The following ST7 variants were observed in gnomAD, a reference collection of about 807,000 sequenced individuals.
The protein encoded by ST7 is suppressor of tumorigenicity 7 protein.
Under a neutral mutation model 78.7 loss-of-function variants are expected in ST7, and 28 were observed. The observed-to-expected ratio is 0.36, with a 90% CI of 0.26 to 0.49. ST7 has a LOEUF of 0.49. ST7 is among the 20% of genes least tolerant of loss of function. The probability of loss-of-function intolerance (pLI) is 0.99; values close to 1 mark genes in which losing one functional copy is unlikely to be tolerated. For synonymous variants in ST7, 247 were observed against 249.6 expected, an observed-to-expected ratio of 0.99 and a Z score of 0.10; for missense variants, 418 against 696.0, an observed-to-expected ratio of 0.60 and a Z score of 4.49.
chr7:116,985,042 G>A (rs1794133278), intron 1 of ST7, among the ~76,000 whole-genome samples: 1 of 152,048 alleles, frequency 6.6e-6, no homozygotes, highest in Non-Finnish European at 1.5e-5. Flanking sequence ...ATATTTGTGA[G>A]GCTCTCCTAT....
chr7:117,009,254 T>G (rs1434505027), intron 1 of ST7, among the ~76,000 whole-genome samples: 1 of 21,552 alleles, frequency 4.6e-5, no homozygotes, highest in Non-Finnish European at 9.3e-5. Context: ...CCACTTTTTT[T>G]TTGTTTTTTT....
chr7:117,049,973 G>A (rs144581120), intron 1 of ST7, among the ~76,000 whole-genome samples: 1,606 of 151,640 alleles, frequency 0.011, 13 homozygotes, highest in Non-Finnish European at 0.018. Flanking sequence ...TTGGGAGGCC[G>A]AGGCAGGTGG....
At chr7:116,964,912 A>G (rs558474852) in intron 1 of ST7, among the ~76,000 whole-genome samples, 2 of 152,376 alleles carry the variant, frequency 1.3e-5, no homozygotes, top group African/African-American at 4.8e-5. Context: ...TTATCCTAAG[A>G]GAAAACTTTT....
At chr7:116,976,338 G>A (rs559924273) in intron 1 of ST7, among the ~76,000 whole-genome samples, 92 of 152,250 alleles carry the variant, frequency 6.0e-4, no homozygotes, top group African/African-American at 2.2e-3. Flanking sequence ...CATATAGTAA[G>A]TATTTATTTT....
At chr7:117,150,891 A>G (rs1806187996) in intron 9 of ST7, among the ~76,000 whole-genome samples, 1 of 152,340 alleles carries the variant, frequency 6.6e-6, no homozygotes. Flanking sequence ...GGTAAGTCAC[A>G]TTACATCTAC....
intron 13 of ST7, among the ~76,000 whole-genome samples, chr7:117,211,460 A>G (rs1238717149): frequency 6.6e-6 from 1 of 152,234 alleles, no homozygotes; most frequent in African/African-American, 2.4e-5. Flanking sequence ...AAAGAGACAG[A>G]AAAGCCCAGC....
At chr7:117,149,177 A>G (rs988639334) in intron 9 of ST7, among the ~76,000 whole-genome samples, 4 of 152,162 alleles carry the variant, frequency 2.6e-5, no homozygotes, top group South Asian at 2.1e-4. Context: ...TTGTGACTCA[A>G]GAATCCTCAG....
Position 117,219,249 on chromosome 7 carries a change from A to C in ST7, c.1498+73A>C. ...GGGATTGGAAGAGGTGGGAATATCA[A>C]AGTTTAGAATGCTCCTTGTCTTTTA... is the stretch of plus-strand genomic sequence containing the variant. On this transcript the variant is annotated intron_variant, in intron 14 of 15. Transcript: ENST00000323984. This position sits in a 1 kb window ranked among gnomAD's most constrained non-coding sequence, Gnocchi z 5.1. The C allele has an allele frequency of 8.2e-7, 1 of 1,213,592 alleles. No homozygotes were observed. The allele number at this position is 1,213,592 out of a possible 1,614,324, so 75.2% of individuals were successfully genotyped here. A position where few individuals can be genotyped will look rare whatever the true frequency, so the allele number is the denominator to read the frequency against.
chr7:116,987,025 C>T (rs1043335580), intron 1 of ST7, among the ~76,000 whole-genome samples: 10 of 152,190 alleles, frequency 6.6e-5, no homozygotes, highest in African/African-American at 2.4e-4. Context: ...CATTCTTAAT[C>T]TCCAACCTTT....
At chr7:116,961,428 T>C (rs71544773) in intron 1 of ST7, among the ~76,000 whole-genome samples, 22,966 of 152,224 alleles carry the variant, frequency 0.15, 2,208 homozygotes, top group South Asian at 0.23. Flanking sequence ...TTTAATGATA[T>C]TGATTCTTCC....
intron 1 of ST7, among the ~76,000 whole-genome samples, chr7:117,080,050 G>A (rs1417281200): frequency 2.2e-5 from 3 of 134,098 alleles, no homozygotes; most frequent in Non-Finnish European, 3.1e-5. Context: ...GCGGGATCTC[G>A]GCTCACCGCA....
At chr7:117,010,752 G>A (rs975326225) in intron 1 of ST7, among the ~76,000 whole-genome samples, 4 of 152,082 alleles carry the variant, frequency 2.6e-5, no homozygotes, top group South Asian at 2.1e-4. Flanking sequence ...TAACAAAGTC[G>A]GTTATTGTAT....
rs768091822 is a variant in ST7, at chr7:117,031,733, CATATATGTGT to C, written c.152-68022_152-68013del. 2.5e-3 allele frequency among the ~76,000 whole-genome samples: 75 copies of C among 30,034 alleles called. 18 individuals carry two copies. Among genetic ancestry groups the C allele is most frequent in the African/African-American group, 8.4e-3 (69 of 8,202 alleles). 19.7% of individuals were successfully genotyped at this position (30,034 alleles called of 152,430 possible). ...ATATGCATATATATGCATATATATG[CATATATGTGT>C]ATATATATGCATATATGTGTATATA... On this transcript the variant is annotated intron_variant, in intron 1 of 15. Coordinates refer to ENST00000323984, the MANE Select transcript of ST7 (RefSeq NM_001369598.1).
chr7:117,138,296 GT>G, intron 8 of ST7, 138 bp from the exon 9 acceptor site: 1 of 539,270 alleles, frequency 1.9e-6, no homozygotes, highest in African/African-American at 1.9e-5. Flanking sequence ...GGGAGTCTAA[GT>G]GCTTTTACTT....
intron 13 of ST7, among the ~76,000 whole-genome samples, chr7:117,212,528 C>T (rs1237528752): frequency 6.6e-6 from 1 of 152,060 alleles, no homozygotes; most frequent in East Asian, 1.9e-4. Flanking sequence ...AGTTAATCAT[C>T]CTATATAAAA....
At chr7:117,094,072 T>G (rs1315194739) in intron 1 of ST7, among the ~76,000 whole-genome samples, 1 of 152,160 alleles carries the variant, frequency 6.6e-6, no homozygotes, top group Non-Finnish European at 1.5e-5. Flanking sequence ...GCTGTCCTGA[T>G]TTTTAGAAGT....
chr7:117,073,214 A>AGG (rs1799101196), intron 1 of ST7: 1 of 152,234 alleles, frequency 6.6e-6, no homozygotes, highest in Non-Finnish European at 1.5e-5. Context: ...AGACTATTTA[A>AGG]CCACATCTGT....
chr7:116,985,654 G>A (rs912709007), intron 1 of ST7, among the ~76,000 whole-genome samples: 9 of 152,322 alleles, frequency 5.9e-5, no homozygotes, highest in Admixed American at 5.9e-4. Context: ...GTTTGACTGA[G>A]GTTAGCTGGT....
At chr7:117,095,582 A>G (rs1800968469) in intron 1 of ST7, among the ~76,000 whole-genome samples, 1 of 152,188 alleles carries the variant, frequency 6.6e-6, no homozygotes, top group Admixed American at 6.5e-5. Context: ...AACTGAGGTG[A>G]TATTCTTTGA....
Sources: allele counts gnomAD v4.1 joint callset (sites outside exome capture counted in the v4.1 genomes callset), GRCh38; gene constraint gnomAD v4.1.1; non-coding constraint Gnocchi (gnomAD v3.1); transcripts MANE v1.5; gene names NCBI Gene and HGNC (gene_info 2026-07-23, HGNC 2026-07-21).